ANO7: variants seen among roughly 807,000 people sequenced by gnomAD.
ANO7 encodes anoctamin-7.
Under a neutral mutation model 115.8 loss-of-function variants are expected in ANO7, and 114 were observed. The ratio of observed to expected loss-of-function variants is 0.98; its 90% confidence interval spans 0.85 to 1.15. The LOEUF (loss-of-function observed/expected upper bound fraction) is 1.15. ANO7 is among the 50% of genes most tolerant of loss of function. The pLI is 0.00. For synonymous variants in ANO7, 550 were observed against 498.2 expected, an observed-to-expected ratio of 1.10 and a Z score of -1.38; for missense variants, 1,302 against 1,201.2, an observed-to-expected ratio of 1.08 and a Z score of -1.24.
chr2:241,200,225 G>C lies in ANO7; in HGVS notation c.554G>C (p.Arg185Pro). 6.2e-7 allele frequency: 1 copy of C among 1,612,322 alleles called. No individual in the cohort carries two copies. Among genetic ancestry groups the C allele is most frequent in the East Asian group, 2.2e-5 (1 of 44,864 alleles). Reference protein sequence around the residue: ...SCRFRVNKLPRFLGSDNQDTF... With the variant: ...SCRFRVNKLPPFLGSDNQDTF... The stretch of plus-strand genomic sequence containing the variant: ...CGGTTCAGAGTGAACAAGCTGCCAC[G>C]GTAAGGCAGGGGCCCTGCCAGTCGG... The change falls in exon 6 of 25, where the codon CGC becomes CCC. Residue 185 changes from arginine to proline, a missense_variant and splice_region_variant. Transcript: ENST00000674324.
intron 1 of ANO7, 96 bp from the exon 2 acceptor site, chr2:241,189,961 A>G (rs1028332520): frequency 2.2e-6 from 2 of 926,888 alleles, no homozygotes; most frequent in East Asian, 5.6e-5. Context: ...TCGAGTCTGT[A>G]AAGTGAGCTC....
At chr2:241,193,748 C>T (rs1173510646) in intron 3 of ANO7, among the ~76,000 whole-genome samples, 1 of 152,138 alleles carries the variant, frequency 6.6e-6, no homozygotes, top group Non-Finnish European at 1.5e-5. Flanking sequence ...TTTGTGTGTT[C>T]TGTTTTGTGT....
intron 4 of ANO7, 142 bp from the exon 5 acceptor site, chr2:241,199,174 G>A (rs780751685): frequency 6.1e-5 from 45 of 741,482 alleles, no homozygotes; most frequent in Non-Finnish European, 9.9e-5. Flanking sequence ...TAGGTGTCAT[G>A]TATCAAATAG....
At chr2:241,199,212 C>G (rs148839275) in intron 4 of ANO7, 104 bp from the exon 5 acceptor site, 1 of 1,001,986 alleles carries the variant, frequency 1.0e-6, no homozygotes, top group East Asian at 2.5e-5. Context: ...GTTACCACGG[C>G]TACAGAAATG....
intron 21 of ANO7, among the ~76,000 whole-genome samples, chr2:241,218,669 G>A (rs1020811633): frequency 4.6e-5 from 7 of 152,240 alleles, no homozygotes; most frequent in Admixed American, 2.0e-4. Flanking sequence ...CTCAGACACC[G>A]GATTAAAGAA....
chr2:241,221,242 A>C (rs2069005070), intron 21 of ANO7, among the ~76,000 whole-genome samples: 1 of 149,906 alleles, frequency 6.7e-6, no homozygotes, highest in Non-Finnish European at 1.5e-5. Flanking sequence ...TGCCCAGCTA[A>C]TTTTTGTATA....
chr2:241,208,168 A>G lies in ANO7; in HGVS notation c.1077+498A>G, dbSNP rs149224159. Reference sequence around the variant, plus strand: ...TGTACCCCACATGCACTGGACCCAGAGCCCTTGGCACTACTGGTGGGCCAG... The same window carrying G: ...TGTACCCCACATGCACTGGACCCAGGGCCCTTGGCACTACTGGTGGGCCAG... On this transcript the variant is annotated intron_variant, in intron 11 of 24. Coordinates refer to ENST00000674324, the MANE Select transcript of ANO7 (RefSeq NM_001370694.2). Among the ~76,000 whole-genome samples the G allele has an allele frequency of 1.7e-3, 259 of 152,312 alleles. 1 individual carries two copies. Among genetic ancestry groups the G allele is most frequent in the Admixed American group, 0.011 (173 of 15,298 alleles).
At chr2:241,201,384 C>G (rs761649883) in intron 7 of ANO7, 29 bp downstream of exon 7, 20 of 1,605,968 alleles carry the variant, frequency 1.2e-5, no homozygotes, top group Non-Finnish European at 1.4e-5. Flanking sequence ...CCGCGGGCCC[C>G]AAACCCTGAC....
At chr2:241,226,681 C>T (rs1018559629), downstream of ANO7, among the ~76,000 whole-genome samples, 1 of 152,214 alleles carries the variant, frequency 6.6e-6, no homozygotes, top group African/African-American at 2.4e-5. Context: ...ACCTCGGCTT[C>T]CCAAAGTGCT....
At chr2:241,217,565 C>G in intron 19 of ANO7, 121 bp from the exon 20 acceptor site, 1 of 1,146,612 alleles carries the variant, frequency 8.7e-7, no homozygotes, top group Non-Finnish European at 1.2e-6. Context: ...GAGGTGGGGG[C>G]GGAATGAGCC....
chr2:241,239,366 TTCTC>T, the ANO7 span, among the ~76,000 whole-genome samples: 38 of 152,080 alleles, frequency 2.5e-4, no homozygotes, highest in South Asian at 4.2e-4. The surrounding 1 kb of genome is among the most constrained non-coding windows in gnomAD (Gnocchi z 4.6). Flanking sequence ...CCTCTTCTCC[TTCTC>T]TCTCTCTTTT....
chr2:241,233,680 C>A, the ANO7 span: 1 of 866,156 alleles, frequency 1.2e-6, no homozygotes. This position sits in a 1 kb window ranked among gnomAD's most constrained non-coding sequence, Gnocchi z 4.3. Flanking sequence ...AACCTCAAGC[C>A]AGAATTAGGT....
downstream of ANO7, chr2:241,228,968 T>C: frequency 6.5e-6 from 1 of 152,950 alleles, no homozygotes; most frequent in Non-Finnish European, 1.5e-5. Flanking sequence ...GGACCCTTGG[T>C]GCTTTCAGAC....
chr2:241,208,461 C>A (rs79348627), intron 11 of ANO7, among the ~76,000 whole-genome samples: 1 of 152,186 alleles, frequency 6.6e-6, no homozygotes, highest in African/African-American at 2.4e-5. Context: ...TCTGTGTCTG[C>A]GTGCTGGTTC....
chr2:241,234,682 G>A, the ANO7 span, among the ~76,000 whole-genome samples: 14 of 152,194 alleles, frequency 9.2e-5, no homozygotes, highest in African/African-American at 2.9e-4. Context: ...TCCTTCAAAC[G>A]TCAGCCTTGC....
chr2:241,208,949 A>G (rs1045946766), intron 11 of ANO7, among the ~76,000 whole-genome samples: 42 of 152,218 alleles, frequency 2.8e-4, no homozygotes, highest in East Asian at 9.7e-4. Flanking sequence ...GAAGATCGAG[A>G]CCATCCTGGC....
chr2:241,212,254 T>C, intron 16 of ANO7, 49 bp downstream of exon 16: 1 of 1,520,484 alleles, frequency 6.6e-7, no homozygotes, highest in Non-Finnish European at 9.1e-7. Flanking sequence ...GGCTTAGTTC[T>C]GCTCATGTTT....
the ANO7 span, chr2:241,231,015 C>A: frequency 7.3e-7 from 1 of 1,375,700 alleles, no homozygotes; most frequent in Non-Finnish European, 1.0e-6. Context: ...AGAGCCGGCC[C>A]CCACTGCTGA....
intron 23 of ANO7, 47 bp downstream of exon 23, chr2:241,223,828 A>T (rs368350589): frequency 5.8e-5 from 94 of 1,613,640 alleles, no homozygotes; most frequent in Non-Finnish European, 7.5e-5. Context: ...CCCTCTCCCT[A>T]TCCTTGTCAG....
Sources: gnomAD v4.1 joint callset for allele counts (sites outside exome capture counted in the v4.1 genomes callset) on GRCh38, gnomAD v4.1.1 for gene constraint, Gnocchi (gnomAD v3.1) non-coding constraint, MANE v1.5 for transcripts, NCBI Gene and HGNC (gene_info 2026-07-23, HGNC 2026-07-21) for gene names.